Variants in STK39 observed in about 807,000 individuals in gnomAD.
STK39 encodes STE20/SPS1-related proline-alanine-rich protein kinase.
STK39 carries 20 observed loss-of-function variants against 77.8 expected under a neutral mutation model. That is an observed-to-expected ratio of 0.26 (90% CI 0.18 to 0.37). STK39 has a LOEUF of 0.37. STK39 is among the 10% of genes least tolerant of loss of function. The pLI is 1.00. For synonymous variants in STK39, 246 were observed against 234.1 expected, an observed-to-expected ratio of 1.05 and a Z score of -0.47; for missense variants, 479 against 656.5, an observed-to-expected ratio of 0.73 and a Z score of 2.95.
chr2:168,108,472 T>C (rs1687036227), intron 10 of STK39, among the ~76,000 whole-genome samples: 1 of 151,736 alleles, frequency 6.6e-6, no homozygotes, highest in Non-Finnish European at 1.5e-5. Context: ...CACTTGAGAC[T>C]GGGAGGTCAA....
In STK39 at chr2:168,247,358, C is replaced by CGCCGGG; in HGVS notation, c.77_78insCCCGGC (p.Ala26_Ala27insProAla). On this transcript the variant is annotated inframe_insertion, in exon 1 of 18. Transcript: ENST00000355999. ...GCGCTGCTGTCGCGGCCGCCGGGGC[C>CGCCGGG]GCCGCCGCCGCCGCTGTCACCGGGG... 1 of 982,058 alleles carries CGCCGGG rather than the reference C, an allele frequency of 1.0e-6. No homozygotes were observed. The highest frequency in any genetic ancestry group is 1.2e-6 in the Non-Finnish European group (1 of 809,130). The allele number at this position is 982,058 out of a possible 1,614,324, so 60.8% of individuals were successfully genotyped here. A position where few individuals can be genotyped will look rare whatever the true frequency, so the allele number is the denominator to read the frequency against.
intron 10 of STK39, among the ~76,000 whole-genome samples, chr2:168,077,146 A>G (rs759598410): frequency 6.6e-6 from 1 of 152,188 alleles, no homozygotes; most frequent in African/African-American, 2.4e-5. Flanking sequence ...TATCTATCAG[A>G]CACAGAACAA....
chr2:168,198,627 C>G (rs1689534525), intron 1 of STK39, among the ~76,000 whole-genome samples: 1 of 152,190 alleles, frequency 6.6e-6, no homozygotes, highest in Non-Finnish European at 1.5e-5. Flanking sequence ...AGGAAATCAT[C>G]TGAATCTGAT....
chr2:168,016,970 T>G (rs1462984249), intron 15 of STK39, 73 bp downstream of exon 15: 1 of 1,230,926 alleles, frequency 8.1e-7, no homozygotes, highest in African/African-American at 1.5e-5. Flanking sequence ...TAGCAGATTA[T>G]AACCACATGC....
At chr2:167,965,732 T>A (rs1020422743) in intron 16 of STK39, among the ~76,000 whole-genome samples, 2 of 152,216 alleles carry the variant, frequency 1.3e-5, no homozygotes, top group African/African-American at 4.8e-5. Flanking sequence ...CTTCAGTAGT[T>A]AGGTATTGAA....
chr2:168,075,022 A>G lies in STK39; in HGVS notation c.1213-11T>C, dbSNP rs143173140. 836 of 1,613,996 alleles carry G rather than the reference A, an allele frequency of 5.2e-4. 7 individuals are homozygous for G. The African/African-American group carries it at 0.01, about 20-fold the overall frequency. On this transcript the variant is annotated splice_polypyrimidine_tract_variant and intron_variant, in intron 11 of 17. Transcript: ENST00000355999. ...TTTTACTCTTCGTGACTGTAAAACA[A>G]TTATGTATCCATTAATATATATACA... is the stretch of plus-strand genomic sequence containing the variant.
intron 2 of STK39, among the ~76,000 whole-genome samples, chr2:168,177,954 A>G (rs1039928246): frequency 2.0e-5 from 3 of 152,148 alleles, no homozygotes; most frequent in African/African-American, 7.2e-5. Context: ...TTAGTTCAAA[A>G]ATCTCACCAA....
At chr2:168,231,863 C>A (rs745638275) in intron 1 of STK39, 5 of 231,048 alleles carry the variant, frequency 2.2e-5, no homozygotes, top group Non-Finnish European at 3.8e-5. Context: ...TAATAGTAGG[C>A]ATCTTTTCTG....
At chr2:167,969,756 T>C (rs61097286) in intron 16 of STK39, among the ~76,000 whole-genome samples, 4,826 of 152,262 alleles carry the variant, frequency 0.032, 248 homozygotes, top group East Asian at 0.21. Context: ...TCTCACTGCT[T>C]CCACCCTGAT....
Position 167,981,746 on chromosome 2 carries a change from T to A in STK39, c.1499-17020A>T, listed in dbSNP as rs956867005. 1.7e-4 allele frequency among the ~76,000 whole-genome samples: 26 copies of A among 152,352 alleles called. No homozygotes were observed. In the East Asian group the frequency reaches 5.0e-3, roughly 29 times the overall value. On this transcript the variant is annotated intron_variant, in intron 16 of 17. Coordinates refer to ENST00000355999, the MANE Select transcript of STK39 (RefSeq NM_013233.3). Reference sequence around the variant, plus strand: ...CCTCCAGCTTCAAATCTTATTTCACTGTGCAAAGGTCTCATTTTAACACAT... The same window carrying A: ...CCTCCAGCTTCAAATCTTATTTCACAGTGCAAAGGTCTCATTTTAACACAT...
chr2:167,955,605 T>C (rs200296264), intron 17 of STK39, 35 bp from the exon 18 acceptor site: 2 of 1,585,570 alleles, frequency 1.3e-6, no homozygotes, highest in Non-Finnish European at 1.7e-6. Flanking sequence ...AATGCTGGTT[T>C]GCTGCTGCTG....
chr2:168,136,367 CA>C (rs775507627), intron 8 of STK39, among the ~76,000 whole-genome samples: 1,321 of 64,826 alleles, frequency 0.02, 4 homozygotes, highest in African/African-American at 0.034. Context: ...GACTCCGTCT[CA>C]AAAAAAAAAA....
chr2:168,203,377 C>T (rs939309299), intron 1 of STK39, among the ~76,000 whole-genome samples: 1 of 151,838 alleles, frequency 6.6e-6, no homozygotes, highest in Non-Finnish European at 1.5e-5. Context: ...CATGGATTAT[C>T]CAAAAACAAA....
chr2:168,204,224 C>T (rs1689683234), intron 1 of STK39, among the ~76,000 whole-genome samples: 1 of 152,118 alleles, frequency 6.6e-6, no homozygotes, highest in Non-Finnish European at 1.5e-5. Context: ...GCACATAAAG[C>T]GAGGTCACCC....
At chr2:168,096,481 T>G (rs1353498869) in intron 10 of STK39, among the ~76,000 whole-genome samples, 1 of 152,178 alleles carries the variant, frequency 6.6e-6, no homozygotes, top group African/African-American at 2.4e-5. Context: ...TTAGTATGTG[T>G]TCAACAATTG....
chr2:168,171,016 T>C (rs1688810098), intron 2 of STK39, among the ~76,000 whole-genome samples: 1 of 152,214 alleles, frequency 6.6e-6, no homozygotes, highest in African/African-American at 2.4e-5. Context: ...AGTCAAGGAA[T>C]TGAACACAGT....
At chr2:168,091,250 A>G (rs566714583) in intron 10 of STK39, among the ~76,000 whole-genome samples, 1 of 152,224 alleles carries the variant, frequency 6.6e-6, no homozygotes, top group South Asian at 2.1e-4. Flanking sequence ...ACAAGTTTAA[A>G]TTGATAGGAA....
intron 2 of STK39, among the ~76,000 whole-genome samples, chr2:168,175,298 A>T (rs1185113296): frequency 1.3e-5 from 2 of 152,204 alleles, no homozygotes; most frequent in African/African-American, 4.8e-5. Flanking sequence ...ATTATATTCA[A>T]TCTGGGCATG....
Position 168,236,298 on chromosome 2 carries a change from G to A in STK39, c.208+10930C>T, listed in dbSNP as rs1011030911. Among the ~76,000 whole-genome samples, 14 of 152,050 alleles carry A rather than the reference G, an allele frequency of 9.2e-5. 1 individual carries two copies. Among genetic ancestry groups the A allele is most frequent in the African/African-American group, 3.4e-4 (14 of 41,368 alleles). Reference sequence around the variant, plus strand: ...ATATCCTTCGCCCACTTTTTGATGGGGTTGTTTTTTTCTTGTAAATTTGTT... The same window carrying A: ...ATATCCTTCGCCCACTTTTTGATGGAGTTGTTTTTTTCTTGTAAATTTGTT... On this transcript the variant is annotated intron_variant, in intron 1 of 17. Coordinates refer to ENST00000355999, the MANE Select transcript of STK39 (RefSeq NM_013233.3).
Sources: gnomAD v4.1 joint callset for allele counts (sites outside exome capture counted in the v4.1 genomes callset) on GRCh38, gnomAD v4.1.1 for gene constraint, MANE v1.5 for transcripts, NCBI Gene and HGNC (gene_info 2026-07-23, HGNC 2026-07-21) for gene names.